BMP2K: variants seen among roughly 807,000 people sequenced by gnomAD.
BMP2K encodes BMP-2-inducible protein kinase.
BMP2K carries 74 observed loss-of-function variants against 116.0 expected under a neutral mutation model. The observed-to-expected ratio is 0.64, with a 90% CI of 0.53 to 0.77. BMP2K has a LOEUF of 0.77. Among genes scored for constraint, BMP2K ranks in the 30% least tolerant of loss-of-function variants. The pLI, the probability that BMP2K is intolerant of heterozygous loss-of-function variation, is 0.00. For synonymous variants in BMP2K, 486 were observed against 502.5 expected (o/e 0.97, Z 0.44); for missense variants, 1,365 against 1,403.6 (o/e 0.97, Z 0.44).
intron 9 of BMP2K, among the ~76,000 whole-genome samples, chr4:78,863,193 G>T (rs1045090177): frequency 1.3e-5 from 2 of 151,986 alleles, no homozygotes; most frequent in African/African-American, 2.4e-5. Context: ...AAATAAGGTT[G>T]ATTGGTACTT....
chr4:78,855,342 A>G (rs1731453122), intron 7 of BMP2K, among the ~76,000 whole-genome samples: 1 of 152,132 alleles, frequency 6.6e-6, no homozygotes, highest in Admixed American at 6.6e-5. Context: ...TTTGTGGGAG[A>G]GAAAAATGTG....
Position 78,911,990 on chromosome 4 carries a change from A to T in BMP2K, c.3443A>T (p.Glu1148Val), listed in dbSNP as rs757314015. 1 of 1,613,726 alleles carries T rather than the reference A, an allele frequency of 6.2e-7. No individual in the cohort carries two copies. Among genetic ancestry groups the T allele is most frequent in the Non-Finnish European group, 8.5e-7 (1 of 1,179,720 alleles). Reference sequence around the variant, plus strand: ...CAGTCCCAACAGTCCCAACCAGTCGAATTAGACCCATTTGGTGCTGCTCCA... The same window carrying T: ...CAGTCCCAACAGTCCCAACCAGTCGTATTAGACCCATTTGGTGCTGCTCCA... Reference protein sequence around the residue: ...PHQSQQSQPVELDPFGAAPFP... With the variant: ...PHQSQQSQPVVLDPFGAAPFP... Residue 1148 changes from glutamate to valine, a missense_variant, in exon 16 of 16, where the codon GAA (glutamate) becomes GTA (valine). Physicochemically the swap from Glu to Val is moderately radical, Grantham distance 121 (BLOSUM62 -2). This residue lies in a region of BMP2K where 596 missense variants were observed against 623.2 expected (regional missense o/e 0.96). Transcript: ENST00000502613.
intron 10 of BMP2K, among the ~76,000 whole-genome samples, chr4:78,866,557 A>G (rs1201003172): frequency 6.6e-6 from 1 of 152,162 alleles, no homozygotes; most frequent in Non-Finnish European, 1.5e-5. Context: ...GTGCTACCTG[A>G]TACACGGTAT....
intron 10 of BMP2K, among the ~76,000 whole-genome samples, chr4:78,866,609 C>G (rs916155641): frequency 6.6e-6 from 1 of 152,052 alleles, no homozygotes; most frequent in Non-Finnish European, 1.5e-5. Flanking sequence ...TTGTTACTAT[C>G]AAGTAAAGTA....
At chr4:78,867,354 T>C (rs1202635553) in intron 10 of BMP2K, among the ~76,000 whole-genome samples, 1 of 152,012 alleles carries the variant, frequency 6.6e-6, no homozygotes, top group African/African-American at 2.4e-5. Flanking sequence ...TTTGGAGTGG[T>C]CTTATTTTGA....
intron 1 of BMP2K, among the ~76,000 whole-genome samples, chr4:78,787,229 A>C (rs1727772074): frequency 6.6e-6 from 1 of 152,248 alleles, no homozygotes; most frequent in African/African-American, 2.4e-5. Context: ...ATTTAGGAGA[A>C]GGCTGACTCT....
At chr4:78,904,274 A>AT (rs761348488) in intron 15 of BMP2K, among the ~76,000 whole-genome samples, 5 of 151,980 alleles carry the variant, frequency 3.3e-5, no homozygotes, top group South Asian at 2.1e-4. Context: ...CTTACAGAGC[A>AT]TTTTTTGCCC....
chr4:78,850,208 G>A (rs750818984), intron 6 of BMP2K, among the ~76,000 whole-genome samples: 3 of 151,724 alleles, frequency 2.0e-5, no homozygotes, highest in Non-Finnish European at 4.4e-5. Context: ...GAAATTTCCT[G>A]TGCTACTTTT....
rs577679086 is a variant in BMP2K at position 78,884,242 on chromosome 4, G to C, written c.1952-2932G>C. Among the ~76,000 whole-genome samples the C allele has an allele frequency of 1.0e-3, 154 of 152,262 alleles. 2 individuals are homozygous for C. The highest frequency in any genetic ancestry group is 7.9e-4 in the Admixed American group (12 of 15,284). On this transcript the variant is annotated intron_variant, in intron 14 of 15. Coordinates refer to ENST00000502613, the MANE Select transcript of BMP2K (RefSeq NM_198892.2). ...CTTGGGAGGCTGAGATTGGAGGATC[G>C]CTTGAACCTGAGAGGTTGAGGCCAC...
chr4:78,814,161 A>G (rs1729217697), intron 1 of BMP2K, among the ~76,000 whole-genome samples: 1 of 152,188 alleles, frequency 6.6e-6, no homozygotes, highest in Admixed American at 6.5e-5. Context: ...GACATGGTGT[A>G]GACATCTGTT....
intron 1 of BMP2K, among the ~76,000 whole-genome samples, chr4:78,795,353 G>A (rs1039839173): frequency 6.6e-6 from 1 of 152,184 alleles, no homozygotes; most frequent in African/African-American, 2.4e-5. Flanking sequence ...GTTTAGGTGA[G>A]ATGACCGAGT....
At chr4:78,894,629 C>T (rs150897672) in intron 15 of BMP2K, among the ~76,000 whole-genome samples, 2 of 152,338 alleles carry the variant, frequency 1.3e-5, no homozygotes, top group East Asian at 3.9e-4. Context: ...AAATTTTCTC[C>T]ATATCAGCAG....
At chr4:78,903,659 T>C (rs1734134893) in intron 15 of BMP2K, among the ~76,000 whole-genome samples, 1 of 151,956 alleles carries the variant, frequency 6.6e-6, no homozygotes, top group Non-Finnish European at 1.5e-5. Flanking sequence ...GATAAAGCCT[T>C]ATAGTGTTTC....
At chr4:78,837,215 A>G (rs1480124004) in intron 3 of BMP2K, among the ~76,000 whole-genome samples, 1 of 150,758 alleles carries the variant, frequency 6.6e-6, no homozygotes, top group East Asian at 1.9e-4. Flanking sequence ...TTTGAGACGT[A>G]GTCTTGCTCT....
intron 1 of BMP2K, among the ~76,000 whole-genome samples, chr4:78,795,724 C>T (rs1728226065): frequency 1.3e-5 from 2 of 151,924 alleles, no homozygotes; most frequent in African/African-American, 2.4e-5. Context: ...AAAAAGTGGG[C>T]AAAGGACATG....
chr4:78,864,919 T>C (rs1285062305), intron 9 of BMP2K, among the ~76,000 whole-genome samples: 1 of 152,178 alleles, frequency 6.6e-6, no homozygotes, highest in African/African-American at 2.4e-5. Context: ...TTATATTTAT[T>C]GTTTCTTGAT....
intron 8 of BMP2K, chr4:78,859,956 G>T: frequency 1.8e-6 from 1 of 548,428 alleles, no homozygotes; most frequent in South Asian, 1.7e-5. Flanking sequence ...TTCTGACTTA[G>T]CACAAAACTA....
chr4:78,792,675 T>A (rs1383772579), intron 1 of BMP2K, among the ~76,000 whole-genome samples: 3 of 151,926 alleles, frequency 2.0e-5, no homozygotes, highest in African/African-American at 4.8e-5. Context: ...TTTTTTTTTT[T>A]AAATTCTGTA....
At chr4:78,800,830 A>G (rs1231877812) in intron 1 of BMP2K, among the ~76,000 whole-genome samples, 1 of 152,310 alleles carries the variant, frequency 6.6e-6, no homozygotes, top group East Asian at 1.9e-4. Context: ...TAAATGTAAT[A>G]TTACATTTAT....
Sources: gnomAD v4.1 joint callset for allele counts (sites outside exome capture counted in the v4.1 genomes callset) on GRCh38, gnomAD v4.1.1 for gene constraint, gnomAD v4.1.1 regional missense constraint, MANE v1.5 for transcripts, NCBI Gene and HGNC (gene_info 2026-07-23, HGNC 2026-07-21) for gene names.